The following C1orf141 variants were observed in gnomAD, a reference collection of about 807,000 sequenced individuals.
C1orf141 encodes chromosome 1 open reading frame 141.
Under a neutral mutation model 23.2 loss-of-function variants are expected in C1orf141, and 19 were observed. That is an observed-to-expected ratio of 0.82 (90% CI 0.57 to 1.20). The LOEUF (loss-of-function observed/expected upper bound fraction) is 1.20, where lower values mean the gene tolerates loss of function less well. C1orf141 is among the 50% of genes most tolerant of loss of function. C1orf141 has a pLI of 0.00. For missense variants in C1orf141, 469 were observed against 455.1 expected (o/e 1.03, Z -0.28); for synonymous variants, 153 against 154.6 (o/e 0.99, Z 0.08).
At chr1:67,135,881 T>C (rs1646580508), upstream of C1orf141, among the ~76,000 whole-genome samples, 1 of 123,226 alleles carries the variant, frequency 8.1e-6, no homozygotes, top group African/African-American at 3.4e-5. Flanking sequence ...ATCACAAGTC[T>C]GTGCTAGTGG....
chr1:67,137,521 C>T (rs933041706), upstream of C1orf141, among the ~76,000 whole-genome samples: 7 of 152,204 alleles, frequency 4.6e-5, no homozygotes, highest in Admixed American at 3.3e-4. Context: ...TAATCTCTAT[C>T]TCCAAGTTGA....
chr1:67,121,620 A>G (rs1352289575), intron 4 of C1orf141: 4 of 142,004 alleles, frequency 2.8e-5, no homozygotes, highest in Non-Finnish European at 4.9e-5. Context: ...TTTGAGTATT[A>G]TCTTTATTTT....
At chr1:67,114,078 A>G (rs1237146768) in intron 5 of C1orf141, among the ~76,000 whole-genome samples, 8 of 152,170 alleles carry the variant, frequency 5.3e-5, no homozygotes, top group African/African-American at 1.7e-4. Flanking sequence ...CAAAGGTCCA[A>G]AGTTTTGATA....
chr1:67,125,928 GAAAAAAAAAA>G lies in C1orf141; in HGVS notation c.76-29_76-20del, dbSNP rs11336462. 4 of 1,183,580 alleles carry G rather than the reference GAAAAAAAAAA, an allele frequency of 3.4e-6. No homozygotes were observed. The allele number at this position is 1,183,580 out of a possible 1,614,324, so 73.3% of individuals were successfully genotyped here. On this transcript the variant is annotated intron_variant, in intron 3 of 7. Coordinates refer to ENST00000684719, the MANE Select transcript of C1orf141 (RefSeq NM_001276351.2). The stretch of plus-strand genomic sequence containing the variant: ...TGTTTATCTGCAGCAATGCCAAAGT[GAAAAAAAAAA>G]AAAAAAAAAGAGTACTTTTTATATG...
chr1:67,136,775 T>C (rs1646589294), upstream of C1orf141, among the ~76,000 whole-genome samples: 1 of 152,216 alleles, frequency 6.6e-6, no homozygotes, highest in Non-Finnish European at 1.5e-5. Flanking sequence ...AACTATGTGA[T>C]TTGCCCAGCA....
intron 5 of C1orf141, chr1:67,113,644 C>T (rs986734672): frequency 4.3e-6 from 5 of 1,151,188 alleles, no homozygotes; most frequent in Non-Finnish European, 5.6e-6. Context: ...GGATTACAGC[C>T]ATGAGCCACC....
chr1:67,093,377 T>A lies in C1orf141; in HGVS notation c.831A>T (p.Arg277Ser), dbSNP rs1284119134. The stretch of plus-strand genomic sequence containing the variant: ...AAGACATAGGGATCTGTATATCTTT[T>A]CTCTGTACTGTAGGCATAGTTTTTT... ...KPQKTMPTVQRKDIQIPMSFK... is the reference protein window; with the variant it reads ...KPQKTMPTVQSKDIQIPMSFK... The change falls in exon 8 of 8, where the codon AGA becomes AGT. Residue 277 changes from arginine (R) to serine (S), a missense_variant. Arg to Ser is a moderately radical substitution (Grantham distance 110). This residue lies in a region of C1orf141 where 370 missense variants were observed against 348.1 expected (regional missense o/e 1.06). Coordinates refer to ENST00000684719, the MANE Select transcript of C1orf141 (RefSeq NM_001276351.2). 1 of 1,613,648 alleles carries A rather than the reference T, an allele frequency of 6.2e-7. No individual in the cohort carries two copies. Among genetic ancestry groups the A allele is most frequent in the Non-Finnish European group, 8.5e-7 (1 of 1,179,850 alleles).
chr1:67,107,499 A>G (rs1368556382), intron 5 of C1orf141, among the ~76,000 whole-genome samples: 2 of 152,272 alleles, frequency 1.3e-5, no homozygotes, highest in Non-Finnish European at 2.9e-5. Flanking sequence ...TAAAAAATGT[A>G]CTATAAATAT....
At chr1:67,120,539 G>T (rs763115332) in intron 4 of C1orf141, among the ~76,000 whole-genome samples, 24 of 152,062 alleles carry the variant, frequency 1.6e-4, no homozygotes, top group Non-Finnish European at 3.1e-4. Flanking sequence ...TTATGGTTTT[G>T]GGAGGTGCAG....
intron 5 of C1orf141, among the ~76,000 whole-genome samples, chr1:67,098,718 G>C (rs1645739336): frequency 6.6e-6 from 1 of 152,018 alleles, no homozygotes; most frequent in African/African-American, 2.4e-5. Context: ...GTCAATTGAT[G>C]ACATCTTAGA....
chr1:67,138,960 A>C (rs1646608842), upstream of C1orf141: 1 of 152,348 alleles, frequency 6.6e-6, no homozygotes, highest in South Asian at 2.1e-4. Flanking sequence ...TTGAGCCTTC[A>C]GGGAAGAAGA....
At chr1:67,105,818 G>A (rs1317642265) in intron 5 of C1orf141, among the ~76,000 whole-genome samples, 1 of 152,194 alleles carries the variant, frequency 6.6e-6, no homozygotes, top group Non-Finnish European at 1.5e-5. Context: ...ACTGAAGTTG[G>A]CATTGTATGG....
At chr1:67,131,945 C>A (rs1646523543) in intron 1 of C1orf141, among the ~76,000 whole-genome samples, 1 of 151,280 alleles carries the variant, frequency 6.6e-6, no homozygotes, top group African/African-American at 2.4e-5. Flanking sequence ...CCACCACACG[C>A]AGCTAATTTT....
chr1:67,093,112 G>A lies in C1orf141; in HGVS notation c.1096C>T (p.Pro366Ser). ...PTSIPTSSAL[P>S]VKCYSKPFKY... The stretch of plus-strand genomic sequence containing the variant: ...AAAGGCTTTGAGTAACATTTGACAG[G>A]TAAGGCACTGGATGTGGGTATGCTC... Residue 366 changes from proline to serine, a missense_variant, in exon 8 of 8, where the codon CCT becomes TCT. Physicochemically the swap from Pro to Ser is moderately conservative, Grantham distance 74. Coordinates refer to ENST00000684719, the MANE Select transcript of C1orf141 (RefSeq NM_001276351.2). 6.2e-7 allele frequency: 1 copy of A among 1,613,796 alleles called. No individual in the cohort carries two copies. The highest frequency in any genetic ancestry group is 1.1e-5 in the South Asian group (1 of 91,066).
At position 67,110,885 on chromosome 1, in the gene C1orf141, C is replaced by T. The variant is rs1646053996; in HGVS notation, c.346+4467G>A. Among the ~76,000 whole-genome samples the T allele has an allele frequency of 2.0e-5, 3 of 148,794 alleles. No homozygotes were observed. The Admixed American group carries it at 2.0e-4, about 10-fold the overall frequency. On this transcript the variant is annotated intron_variant, in intron 5 of 7. Coordinates refer to ENST00000684719, the MANE Select transcript of C1orf141 (RefSeq NM_001276351.2). ...AACAAAAATTTGTTATTAATTATGG[C>T]CCTAAGTCTGTATTTCTCCATATTT...
At chr1:67,129,467 T>TA (rs922249822) in intron 2 of C1orf141, among the ~76,000 whole-genome samples, 20 of 151,800 alleles carry the variant, frequency 1.3e-4, no homozygotes, top group Admixed American at 7.2e-4. Flanking sequence ...CCCATTTCTT[T>TA]AAAAAAAATT....
At chr1:67,102,344 G>A (rs1645821967) in intron 5 of C1orf141, among the ~76,000 whole-genome samples, 1 of 149,924 alleles carries the variant, frequency 6.7e-6, no homozygotes. Flanking sequence ...GTGTGTGTGT[G>A]TGTGTAATAT....
intron 5 of C1orf141, among the ~76,000 whole-genome samples, chr1:67,108,076 T>C (rs1199598296): frequency 6.6e-6 from 1 of 152,232 alleles, no homozygotes; most frequent in Non-Finnish European, 1.5e-5. Context: ...GGCAGCTTCC[T>C]GGAAAAATTA....
intron 4 of C1orf141, among the ~76,000 whole-genome samples, chr1:67,116,890 C>T (rs1027876009): frequency 2.6e-5 from 4 of 152,136 alleles, no homozygotes; most frequent in African/African-American, 9.7e-5. Flanking sequence ...CCCACTTCCC[C>T]CATCTAAAAT....
Sources: allele counts gnomAD v4.1 joint callset (sites outside exome capture counted in the v4.1 genomes callset), GRCh38; gene constraint gnomAD v4.1.1; regional missense constraint gnomAD v4.1.1; transcripts MANE v1.5; gene names NCBI Gene and HGNC (gene_info 2026-07-23, HGNC 2026-07-21).